Variants in QRICH1 observed in about 807,000 individuals in gnomAD.
QRICH1 encodes glutamine rich 1, also known as transcriptional regulator QRICH1.
Under a neutral mutation model 87.1 loss-of-function variants are expected in QRICH1, and 16 were observed. The observed-to-expected ratio is 0.18, with a 90% CI of 0.12 to 0.28. The LOEUF (loss-of-function observed/expected upper bound fraction) is 0.28, where lower values mean the gene tolerates loss of function less well. Among genes scored for constraint, QRICH1 ranks in the 10% least tolerant of loss-of-function variants. QRICH1 has a pLI of 1.00. For synonymous variants in QRICH1, 367 were observed against 368.4 expected, an observed-to-expected ratio of 1.00 and a Z score of 0.05; for missense variants, 647 against 951.7, an observed-to-expected ratio of 0.68 and a Z score of 4.21.
At chr3:49,058,928 T>G (rs2093418612) in intron 2 of QRICH1, among the ~76,000 whole-genome samples, 1 of 150,892 alleles carries the variant, frequency 6.6e-6, no homozygotes, top group African/African-American at 2.4e-5. Context: ...ACGGCCAGCA[T>G]TTTAAAAATT....
intron 2 of QRICH1, among the ~76,000 whole-genome samples, chr3:49,062,489 T>C (rs1264498692): frequency 6.7e-6 from 1 of 149,812 alleles, no homozygotes; most frequent in African/African-American, 2.4e-5. Flanking sequence ...GCCTCCTGAG[T>C]AGCTAGGATT....
Position 49,094,017 on chromosome 3 carries a change from G to A in QRICH1, c.-127C>T, listed in dbSNP as rs1184537980. 7.5e-6 allele frequency: 3 copies of A among 398,722 alleles called. No individual in the cohort carries two copies. Among genetic ancestry groups the A allele is most frequent in the East Asian group, 3.6e-5 (1 of 28,080 alleles). 24.7% of individuals were successfully genotyped at this position (398,722 alleles called of 1,614,324 possible). A position where few individuals can be genotyped will look rare whatever the true frequency, so the allele number is the denominator to read the frequency against. ...CCGTCGTCGCTCCAAGACCGACAGGGTTTTCTCCTCACAGCTCCCTGGGCG... is the reference window on the plus strand; with the variant it reads ...CCGTCGTCGCTCCAAGACCGACAGGATTTTCTCCTCACAGCTCCCTGGGCG... On this transcript the variant is annotated 5_prime_UTR_variant, in exon 1 of 10. Transcript: ENST00000395443.
intron 1 of QRICH1, among the ~76,000 whole-genome samples, chr3:49,078,952 A>G (rs1559952498): frequency 6.6e-6 from 1 of 152,026 alleles, no homozygotes; most frequent in East Asian, 1.9e-4. Flanking sequence ...TCGGCCTCCC[A>G]AAGTGCTGGG....
In QRICH1 at chr3:49,094,059, C is replaced by T. The variant is rs988146327; in HGVS notation, c.-169G>A. 31 of 398,740 alleles carry T rather than the reference C, an allele frequency of 7.8e-5. No homozygotes were observed. In the Admixed American group the frequency reaches 1.1e-3, roughly 14 times the overall value. 24.7% of individuals were successfully genotyped at this position (398,740 alleles called of 1,614,324 possible). The stretch of plus-strand genomic sequence containing the variant: ...CCCTGGGCGCCATCTTACATTCAAC[C>T]CTCACAGCCAATAGGAGCCGATTGC... On this transcript the variant is annotated 5_prime_UTR_variant, in exon 1 of 10. Transcript: ENST00000395443.
At chr3:49,048,843 T>C (rs1407788334) in intron 3 of QRICH1, among the ~76,000 whole-genome samples, 1 of 148,414 alleles carries the variant, frequency 6.7e-6, no homozygotes, top group African/African-American at 2.5e-5. Flanking sequence ...TTGGGCCTTA[T>C]CTCCAGCCAT....
intron 9 of QRICH1, among the ~76,000 whole-genome samples, chr3:49,031,834 C>G (rs950814590): frequency 5.3e-5 from 8 of 152,122 alleles, no homozygotes; most frequent in African/African-American, 1.9e-4. Context: ...GGAGAAAAAG[C>G]TGAGAGGAGT....
At chr3:49,043,099 T>C (rs761219349) in intron 6 of QRICH1, among the ~76,000 whole-genome samples, 6 of 152,154 alleles carry the variant, frequency 3.9e-5, no homozygotes, top group Non-Finnish European at 8.8e-5. Flanking sequence ...CAACATGTTA[T>C]TGATAGGAGA....
intron 3 of QRICH1, among the ~76,000 whole-genome samples, chr3:49,048,964 C>T (rs1408037824): frequency 1.1e-4 from 16 of 150,944 alleles, no homozygotes; most frequent in African/African-American, 3.4e-4. Context: ...TGCAGTGGCA[C>T]GATCTCGGCT....
chr3:49,042,918 T>C (rs1450268620), intron 6 of QRICH1, among the ~76,000 whole-genome samples: 2 of 152,088 alleles, frequency 1.3e-5, no homozygotes, highest in Non-Finnish European at 2.9e-5. Flanking sequence ...TATGACACCA[T>C]GATGGTGACA....
intron 2 of QRICH1, among the ~76,000 whole-genome samples, chr3:49,067,675 AATC>A (rs1166443842): frequency 6.6e-6 from 1 of 151,852 alleles, no homozygotes; most frequent in African/African-American, 2.4e-5. Context: ...ATTACTAAAT[AATC>A]ATATTAAGAA....
At chr3:49,047,479 GTTTTTTTTTTT>G (rs397724825) in intron 3 of QRICH1, among the ~76,000 whole-genome samples, 1 of 109,086 alleles carries the variant, frequency 9.2e-6, no homozygotes, top group Non-Finnish European at 1.9e-5. Context: ...ACTTTTAAAT[GTTTTTTTTTTT>G]TTTTTTTTTT....
At chr3:49,076,535 A>G (rs2041955452) in intron 2 of QRICH1, among the ~76,000 whole-genome samples, 174 bp downstream of exon 2, 1 of 152,188 alleles carries the variant, frequency 6.6e-6, no homozygotes, top group African/African-American at 2.4e-5. Flanking sequence ...AAAAAAAAAA[A>G]AAAGCTTAAA....
In QRICH1 at chr3:49,051,589, C is replaced by A. The variant is rs868254666; in HGVS notation, c.1339-4343G>T. ...CAAGCTAGAACCCCCCCTGCGCCCC[C>A]CCCCCCCTCCGCTTAATATACCTAG... is the stretch of plus-strand genomic sequence containing the variant. On this transcript the variant is annotated intron_variant, in intron 3 of 9. Coordinates refer to ENST00000395443, the MANE Select transcript of QRICH1 (RefSeq NM_198880.3). Among the ~76,000 whole-genome samples, 118 of 134,460 alleles carry A rather than the reference C, an allele frequency of 8.8e-4. 2 individuals are homozygous for A. Among genetic ancestry groups the A allele is most frequent in the Middle Eastern group, 3.6e-3 (1 of 274 alleles). The allele number at this position is 134,460 out of a possible 152,430, so 88.2% of individuals were successfully genotyped here. A position where few individuals can be genotyped will look rare whatever the true frequency, so the allele number is the denominator to read the frequency against.
At chr3:49,088,023 C>A (rs1415230921) in intron 1 of QRICH1, among the ~76,000 whole-genome samples, 3 of 150,930 alleles carry the variant, frequency 2.0e-5, no homozygotes, top group African/African-American at 7.3e-5. Flanking sequence ...ACAATCTCGG[C>A]TCACTGCAAG....
At chr3:49,042,091 TGGGCGGGG>T (rs1434723903) in intron 6 of QRICH1, among the ~76,000 whole-genome samples, 5 of 67,078 alleles carry the variant, frequency 7.5e-5, no homozygotes, top group South Asian at 4.9e-4. Context: ...TTTTTTTTTT[TGGGCGGGG>T]GGGCGGGGGT....
At chr3:49,036,373 A>G (rs2093275360) in intron 6 of QRICH1, among the ~76,000 whole-genome samples, 1 of 152,372 alleles carries the variant, frequency 6.6e-6, no homozygotes, top group South Asian at 2.1e-4. Context: ...ACCAGGCTCC[A>G]GAACTGAAGG....
chr3:49,091,843 C>T (rs747708837), intron 1 of QRICH1, among the ~76,000 whole-genome samples: 47 of 152,120 alleles, frequency 3.1e-4, no homozygotes, highest in African/African-American at 1.1e-3. Flanking sequence ...AGGCCGAGGG[C>T]GGGTGGATCA....
In QRICH1 at chr3:49,033,108, T is replaced by G; in HGVS notation, c.1895+12A>C. 1.3e-6 allele frequency: 2 copies of G among 1,509,238 alleles called. No individual in the cohort carries two copies. Among genetic ancestry groups the G allele is most frequent in the Non-Finnish European group, 1.8e-6 (2 of 1,123,114 alleles). 93.5% of individuals were successfully genotyped at this position (1,509,238 alleles called of 1,614,324 possible). On this transcript the variant is annotated intron_variant, in intron 7 of 9. Transcript: ENST00000395443. ...GGACAGATGCCAGCAGTGGAGCCTC[T>G]AGAACACTTACTTGGTATTAAAGAA...
At chr3:49,047,980 A>T (rs1169902423) in intron 3 of QRICH1, among the ~76,000 whole-genome samples, 1 of 152,206 alleles carries the variant, frequency 6.6e-6, no homozygotes, top group African/African-American at 2.4e-5. Flanking sequence ...CAAGTAAAAA[A>T]GTAATTCTAA....
Sources: allele counts gnomAD v4.1 joint callset (sites outside exome capture counted in the v4.1 genomes callset), GRCh38; gene constraint gnomAD v4.1.1; transcripts MANE v1.5; gene names NCBI Gene and HGNC (gene_info 2026-07-23, HGNC 2026-07-21).